The following ADGRL3 variants were observed in gnomAD, a reference collection of about 807,000 sequenced individuals.
ADGRL3 encodes adhesion G protein-coupled receptor L3.
Under a neutral mutation model 153.5 loss-of-function variants are expected in ADGRL3, and 62 were observed. The observed-to-expected ratio is 0.40, with a 90% CI of 0.33 to 0.50. The LOEUF is 0.50. ADGRL3 is among the 20% of genes least tolerant of loss of function. ADGRL3 has a pLI of 0.47. For synonymous variants in ADGRL3, 710 were observed against 672.5 expected, an observed-to-expected ratio of 1.06 and a Z score of -0.86; for missense variants, 1,641 against 1,859.4, an observed-to-expected ratio of 0.88 and a Z score of 2.16.
intron 13 of ADGRL3, among the ~76,000 whole-genome samples, chr4:61,930,713 T>C (rs1410316693): frequency 6.6e-6 from 1 of 152,094 alleles, no homozygotes; most frequent in Non-Finnish European, 1.5e-5. Context: ...GTCCATAATC[T>C]TGGTGTGAAT....
chr4:61,500,310 T>C (rs2152822833), intron 3 of ADGRL3, among the ~76,000 whole-genome samples: 1 of 152,248 alleles, frequency 6.6e-6, no homozygotes, highest in Non-Finnish European at 1.5e-5. Flanking sequence ...TACAAGTTGG[T>C]TTTGTCTTCC....
chr4:61,699,769 G>T (rs541918015), intron 6 of ADGRL3, among the ~76,000 whole-genome samples: 1 of 152,190 alleles, frequency 6.6e-6, no homozygotes, highest in Non-Finnish European at 1.5e-5. Context: ...TCATGCAATT[G>T]TATAGGAATA....
intron 4 of ADGRL3, among the ~76,000 whole-genome samples, chr4:61,539,559 G>A (rs926516912): frequency 6.6e-6 from 1 of 152,132 alleles, no homozygotes; most frequent in African/African-American, 2.4e-5. Context: ...TGTGGTGACA[G>A]AAAGGCTTAG....
chr4:61,964,414 AAAT>A (rs2098998756), intron 17 of ADGRL3, among the ~76,000 whole-genome samples: 1 of 152,206 alleles, frequency 6.6e-6, no homozygotes, highest in South Asian at 2.1e-4. Context: ...ATTCTAATAA[AAAT>A]AATGATTTTA....
chr4:61,405,804 T>A (rs568792461), intron 2 of ADGRL3, among the ~76,000 whole-genome samples: 1 of 152,042 alleles, frequency 6.6e-6, no homozygotes, highest in South Asian at 2.1e-4. Flanking sequence ...TCTAAATAAT[T>A]AACATTACTC....
At chr4:61,780,186 T>G (rs1173127550) in intron 8 of ADGRL3, among the ~76,000 whole-genome samples, 1 of 152,188 alleles carries the variant, frequency 6.6e-6, no homozygotes, top group Non-Finnish European at 1.5e-5. Context: ...AATGACCCTG[T>G]TTTGTGTCCT....
chr4:62,010,870 T>G (rs1411141210), intron 21 of ADGRL3, among the ~76,000 whole-genome samples: 1 of 152,166 alleles, frequency 6.6e-6, no homozygotes, highest in Non-Finnish European at 1.5e-5. Context: ...TTTAACTTTT[T>G]TATTCACTTT....
intron 8 of ADGRL3, among the ~76,000 whole-genome samples, chr4:61,751,185 A>C (rs2096752790): frequency 6.6e-6 from 1 of 152,130 alleles, no homozygotes; most frequent in South Asian, 2.1e-4. Flanking sequence ...CTTCCCCTCA[A>C]ATTCCTGAGT....
intron 6 of ADGRL3, among the ~76,000 whole-genome samples, chr4:61,699,964 ACAC>A (rs1561085279): frequency 2.0e-5 from 3 of 150,482 alleles, no homozygotes; most frequent in South Asian, 2.1e-4. Flanking sequence ...ACACACACAC[ACAC>A]AAAAACACAC....
At position 61,619,920 on chromosome 4, in the gene ADGRL3, A is replaced by C. The variant is rs984083413; in HGVS notation, c.473+32480A>C. Among the ~76,000 whole-genome samples the C allele has an allele frequency of 1.9e-4, 29 of 152,332 alleles. 1 individual carries two copies. The highest frequency in any genetic ancestry group is 7.0e-4 in the African/African-American group (29 of 41,576). On this transcript the variant is annotated intron_variant, in intron 5 of 26. Transcript: ENST00000683033. The stretch of plus-strand genomic sequence containing the variant: ...CAGCTTCTCATTCTTGTAACGGCAA[A>C]TAGTTAAAATTTCATCTGTGTCAAG...
intron 13 of ADGRL3, among the ~76,000 whole-genome samples, chr4:61,925,437 G>C (rs1231897607): frequency 6.6e-6 from 1 of 152,144 alleles, no homozygotes; most frequent in Non-Finnish European, 1.5e-5. Flanking sequence ...GTATTAGGCT[G>C]TTTTTGTGCT....
intron 1 of ADGRL3, among the ~76,000 whole-genome samples, chr4:61,304,005 A>C (rs2094678667): frequency 6.6e-6 from 1 of 152,186 alleles, no homozygotes; most frequent in Non-Finnish European, 1.5e-5. Context: ...TGTTTTTTCA[A>C]GGGTGTGAAC....
chr4:62,067,409 G>C (rs1743542973), intron 25 of ADGRL3, among the ~76,000 whole-genome samples: 1 of 151,924 alleles, frequency 6.6e-6, no homozygotes, highest in African/African-American at 2.4e-5. Flanking sequence ...ATGTTTGATT[G>C]CATACAATTG....
chr4:61,671,345 G>T (rs2094988940), intron 5 of ADGRL3, among the ~76,000 whole-genome samples: 1 of 152,144 alleles, frequency 6.6e-6, no homozygotes, highest in Non-Finnish European at 1.5e-5. Context: ...TACTAATCCT[G>T]TGATTTGGGA....
chr4:61,435,839 T>C (rs1560628940), intron 2 of ADGRL3, among the ~76,000 whole-genome samples: 1 of 150,480 alleles, frequency 6.6e-6, no homozygotes, highest in Non-Finnish European at 1.5e-5. Context: ...TTTGGGGAAG[T>C]CCGTAGTAAA....
intron 8 of ADGRL3, among the ~76,000 whole-genome samples, chr4:61,756,938 G>A (rs1194973982): frequency 6.6e-6 from 1 of 152,152 alleles, no homozygotes; most frequent in East Asian, 1.9e-4. Flanking sequence ...ATTTGCATAT[G>A]TTAAACCAGA....
intron 4 of ADGRL3, among the ~76,000 whole-genome samples, chr4:61,579,012 TC>T (rs1424494250): frequency 6.6e-6 from 1 of 152,058 alleles, no homozygotes. Context: ...ATGAGTAACA[TC>T]CCTTGCCTTT....
rs869176171 is a variant in ADGRL3, at chr4:61,391,855, C to CTTTTTTTTTTTTT, written c.-174+8676_-174+8688dup. ...AAAATTATCCAAGTGAAAAATGCTA[C>CTTTTTTTTTTTTT]TTTTTTTTTTTTTTTTTTTTTTGAG... On this transcript the variant is annotated intron_variant, in intron 2 of 26. Coordinates refer to ENST00000683033, the MANE Select transcript of ADGRL3 (RefSeq NM_001387552.1). 5.3e-5 allele frequency among the ~76,000 whole-genome samples: 5 copies of CTTTTTTTTTTTTT among 93,656 alleles called. 2 individuals carry two copies. Among genetic ancestry groups the CTTTTTTTTTTTTT allele is most frequent in the Non-Finnish European group, 1.0e-4 (5 of 49,102 alleles). 61.4% of individuals were successfully genotyped at this position (93,656 alleles called of 152,430 possible). A position where few individuals can be genotyped will look rare whatever the true frequency, so the allele number is the denominator to read the frequency against.
At chr4:61,533,059 T>G (rs1427986834) in intron 4 of ADGRL3, among the ~76,000 whole-genome samples, 1 of 152,086 alleles carries the variant, frequency 6.6e-6, no homozygotes, top group East Asian at 1.9e-4. Flanking sequence ...CAGCCTTAAT[T>G]AGGGAAAAAT....
Sources: allele counts gnomAD v4.1 joint callset (sites outside exome capture counted in the v4.1 genomes callset), GRCh38; gene constraint gnomAD v4.1.1; transcripts MANE v1.5; gene names NCBI Gene and HGNC (gene_info 2026-07-23, HGNC 2026-07-21).